ABCA3: variants seen among roughly 807,000 people sequenced by gnomAD.
The protein encoded by ABCA3 is phospholipid-transporting ATPase ABCA3.
A neutral mutation model predicts 172.8 loss-of-function variants in ABCA3; 88 were observed. That is an observed-to-expected ratio of 0.51 (90% confidence interval 0.43 to 0.61). The LOEUF (loss-of-function observed/expected upper bound fraction) is 0.61, where lower values mean the gene tolerates loss of function less well. Among genes scored for constraint, ABCA3 ranks in the 20% least tolerant of loss-of-function variants. The pLI is 0.00. For synonymous variants in ABCA3, 1,066 were observed against 983.8 expected, an observed-to-expected ratio of 1.08 and a Z score of -1.56; for missense variants, 2,164 against 2,301.0, an observed-to-expected ratio of 0.94 and a Z score of 1.22.
chr16:2,336,571 C>G (rs1056525059), intron 1 of ABCA3, among the ~76,000 whole-genome samples: 2 of 150,354 alleles, frequency 1.3e-5, no homozygotes, highest in Non-Finnish European at 3.0e-5. Context: ...GCTGGAATTA[C>G]AGGTGCCCGC....
Position 2,287,928 on chromosome 16 carries a change from T to G in ABCA3, c.3004+98A>C. 1.4e-6 allele frequency: 2 copies of G among 1,470,106 alleles called. No homozygotes were observed. Among genetic ancestry groups the G allele is most frequent in the Non-Finnish European group, 1.9e-6 (2 of 1,078,162 alleles). The allele number at this position is 1,470,106 out of a possible 1,614,324, so 91.1% of individuals were successfully genotyped here. A position where few individuals can be genotyped will look rare whatever the true frequency, so the allele number is the denominator to read the frequency against. On this transcript the variant is annotated intron_variant, in intron 21 of 32. Transcript: ENST00000301732. This position sits in a 1 kb window ranked among gnomAD's most constrained non-coding sequence, Gnocchi z 4.1. The stretch of plus-strand genomic sequence containing the variant: ...GTACATTCGGAACAGCCAAGAACCA[T>G]CCTCCCCAGATGTCGACCCTGCTGC...
At chr16:2,299,368 G>A (rs1412013088) in intron 14 of ABCA3, 35 bp downstream of exon 14, 2 of 1,611,822 alleles carry the variant, frequency 1.2e-6, no homozygotes, top group Non-Finnish European at 8.5e-7. Context: ...AGGGGGGCCT[G>A]CTGGTGGCAG....
At chr16:2,310,933 G>A (rs1011519028) in intron 10 of ABCA3, among the ~76,000 whole-genome samples, 1 of 151,824 alleles carries the variant, frequency 6.6e-6, no homozygotes, top group African/African-American at 2.4e-5. Context: ...ATTACAGCTC[G>A]GTCCTCATAT....
In ABCA3 at chr16:2,332,654, C is replaced by G. The variant is rs972760869; in HGVS notation, c.-538-2800G>C. On this transcript the variant is annotated intron_variant, in intron 1 of 32. Transcript: ENST00000301732. ...ATCTTCTCCAGGGGCCGCCCGTTCA[C>G]CTTGATGAGACCATTGCCGCGTTTG... The G allele has an allele frequency of 2.5e-6, 4 of 1,602,390 alleles. No homozygotes were observed. The African/African-American group carries it at 5.4e-5, about 21-fold the overall frequency.
At chr16:2,305,525 G>C (rs2093696307) in intron 11 of ABCA3, among the ~76,000 whole-genome samples, 1 of 152,094 alleles carries the variant, frequency 6.6e-6, no homozygotes, top group South Asian at 2.1e-4. Flanking sequence ...TCGATCTCTT[G>C]ACCCCATGAC....
rs200615361 is a variant in ABCA3, at chr16:2,314,499, G to A, written c.1111+2784C>T. ...GTGTTTCACAGGGACTGTTTCAGTC[G>A]GGAAACATGAAAACCATTCTGGAGG... On this transcript the variant is annotated intron_variant, in intron 10 of 32. Coordinates refer to ENST00000301732, the MANE Select transcript of ABCA3 (RefSeq NM_001089.3). Among the ~76,000 whole-genome samples, 32 of 152,160 alleles carry A rather than the reference G, an allele frequency of 2.1e-4. 1 individual carries two copies. In the East Asian group the frequency reaches 5.0e-3, roughly 24 times the overall value.
intron 3 of ABCA3, among the ~76,000 whole-genome samples, chr16:2,327,788 T>C (rs1027296630): frequency 2.6e-5 from 4 of 152,228 alleles, no homozygotes; most frequent in South Asian, 2.1e-4. Context: ...TGGCGTGATC[T>C]TGGCTCAATG....
intron 8 of ABCA3, among the ~76,000 whole-genome samples, chr16:2,318,051 C>T (rs2093719351): frequency 1.3e-5 from 2 of 152,248 alleles, no homozygotes; most frequent in African/African-American, 4.8e-5. Flanking sequence ...CCCAGTCTTT[C>T]CTGGTACTTG....
chr16:2,333,166 T>C (rs1371424291), intron 1 of ABCA3, among the ~76,000 whole-genome samples: 1 of 152,088 alleles, frequency 6.6e-6, no homozygotes, highest in African/African-American at 2.4e-5. Context: ...CAGAGGTCCC[T>C]GGGGGTGGTG....
At chr16:2,291,069 G>A (rs897314791) in intron 19 of ABCA3, among the ~76,000 whole-genome samples, 2 of 152,064 alleles carry the variant, frequency 1.3e-5, no homozygotes, top group Non-Finnish European at 2.9e-5. Context: ...GGTGGCTGGG[G>A]GTGGTGGCTC....
At chr16:2,292,108 T>A (rs914723913) in intron 19 of ABCA3, 32 bp downstream of exon 19, 2 of 1,557,154 alleles carry the variant, frequency 1.3e-6, no homozygotes, top group Non-Finnish European at 1.8e-6. Context: ...CGGAGCCCAG[T>A]CCTAGGTGGA....
chr16:2,308,454 C>A lies in ABCA3; in HGVS notation c.1281G>T (p.Ala427=), dbSNP rs556637425. Residue 427 remains alanine (A), a synonymous_variant, in exon 11 of 33, where the codon GCG becomes GCT. Transcript: ENST00000301732. ...CTGGACAAGGCAAACACTCACCTTT[C>A]GCCTCAAATTTCCCAATGAGCTGGG... The part of the protein sequence containing the change: ...MGAQLIGKFE[A]KGMGIQWRDL... The A allele has an allele frequency of 3.1e-6, 5 of 1,614,144 alleles. No homozygotes were observed. In the South Asian group the frequency reaches 4.4e-5, roughly 14 times the overall value.
intron 8 of ABCA3, among the ~76,000 whole-genome samples, chr16:2,319,377 CG>C (rs1486487735): frequency 6.6e-6 from 1 of 151,532 alleles, no homozygotes; most frequent in African/African-American, 2.4e-5. Context: ...CCCAACTACT[CG>C]GGAGGCTGAG....
At chr16:2,331,902 G>C (rs1022575194) in intron 1 of ABCA3, among the ~76,000 whole-genome samples, 22 of 152,190 alleles carry the variant, frequency 1.4e-4, no homozygotes, top group African/African-American at 5.3e-4. Flanking sequence ...CTCTTCACTA[G>C]TCCCGGGACA....
chr16:2,332,342 A>AG lies in ABCA3; in HGVS notation c.-538-2489dup, dbSNP rs560191418. 3.4e-4 allele frequency: 257 copies of AG among 746,320 alleles called. 1 individual carries two copies. The African/African-American group carries it at 4.0e-3, about 11-fold the overall frequency. The allele number at this position is 746,320 out of a possible 1,614,324, so 46.2% of individuals were successfully genotyped here. A position where few individuals can be genotyped will look rare whatever the true frequency, so the allele number is the denominator to read the frequency against. ...CGGTAGGATTTCTAGTAGCGAGCAC[A>AG]GGCACCAGGGCTTCTAAACTTTTTG... On this transcript the variant is annotated intron_variant, in intron 1 of 32. Transcript: ENST00000301732.
At chr16:2,334,958 G>A (rs1175055213) in intron 1 of ABCA3, among the ~76,000 whole-genome samples, 2 of 151,036 alleles carry the variant, frequency 1.3e-5, no homozygotes, top group East Asian at 2.0e-4. Flanking sequence ...CGACCTGAGT[G>A]GCTGGGATTA....
intron 7 of ABCA3, among the ~76,000 whole-genome samples, chr16:2,320,397 CTT>C (rs1246984872): frequency 6.2e-5 from 8 of 129,036 alleles, no homozygotes; most frequent in Admixed American, 4.9e-4. Context: ...TGCACCCGGC[CTT>C]TTTTTTTTTT....
chr16:2,303,709 AG>A (rs2093693098), intron 12 of ABCA3, among the ~76,000 whole-genome samples: 1 of 152,186 alleles, frequency 6.6e-6, no homozygotes, highest in African/African-American at 2.4e-5. Context: ...GAGGGGCCAG[AG>A]CAGCCGGTTC....
intron 1 of ABCA3, among the ~76,000 whole-genome samples, chr16:2,338,976 G>A (rs1321498613): frequency 3.3e-5 from 5 of 151,812 alleles, no homozygotes; most frequent in African/African-American, 9.7e-5. Flanking sequence ...GGCTGGTCTC[G>A]AACTCCTGAA....
Sources: gnomAD v4.1 joint callset for allele counts (sites outside exome capture counted in the v4.1 genomes callset) on GRCh38, gnomAD v4.1.1 for gene constraint, Gnocchi (gnomAD v3.1) non-coding constraint, MANE v1.5 for transcripts, NCBI Gene and HGNC (gene_info 2026-07-23, HGNC 2026-07-21) for gene names.